CFAP299: variants seen among roughly 807,000 people sequenced by gnomAD.
CFAP299 encodes the protein cilia- and flagella-associated protein 299.
Under a neutral mutation model 27.0 loss-of-function variants are expected in CFAP299, and 21 were observed. That is an observed-to-expected ratio of 0.78 (90% CI 0.55 to 1.12). The LOEUF (loss-of-function observed/expected upper bound fraction) is 1.12, where lower values mean the gene tolerates loss of function less well. Among genes scored for constraint, CFAP299 ranks in the 50% most tolerant of loss-of-function variants. CFAP299 has a pLI of 0.00. For missense variants in CFAP299, 310 were observed against 276.6 expected (o/e 1.12, Z -0.86); for synonymous variants, 104 against 98.1 (o/e 1.06, Z -0.36).
At chr4:80,386,818 C>G (rs928716115) in intron 2 of CFAP299, 4 of 968,162 alleles carry the variant, frequency 4.1e-6, no homozygotes, top group Non-Finnish European at 6.7e-6. Flanking sequence ...ATTTATATTT[C>G]TTGAAGGGCT....
intron 3 of CFAP299, among the ~76,000 whole-genome samples, chr4:80,804,854 T>C (rs1373852378): frequency 6.6e-6 from 1 of 152,154 alleles, no homozygotes; most frequent in Non-Finnish European, 1.5e-5. Context: ...CTGGAGAGTT[T>C]AATCAATTTA....
At chr4:80,540,878 T>C (rs1362716401) in intron 2 of CFAP299, among the ~76,000 whole-genome samples, 1 of 152,180 alleles carries the variant, frequency 6.6e-6, no homozygotes, top group Non-Finnish European at 1.5e-5. Context: ...GCAGGAACTA[T>C]CTAACAAACC....
chr4:80,882,637 C>CAA (rs36077837), intron 4 of CFAP299, among the ~76,000 whole-genome samples: 8,101 of 124,370 alleles, frequency 0.065, 306 homozygotes, highest in Middle Eastern at 0.18. Flanking sequence ...GACTCCGTCT[C>CAA]AAAAAAAAAA....
Position 80,525,544 on chromosome 4 carries a change from C to T in CFAP299, c.243-57549C>T, listed in dbSNP as rs1319005467. 2.0e-5 allele frequency among the ~76,000 whole-genome samples: 3 copies of T among 152,128 alleles called. No individual in the cohort carries two copies. The East Asian group carries it at 5.8e-4, about 29-fold the overall frequency. ...TTTGAAATGAAAAATATGTTCATTT[C>T]CCACTCTTGTTTAAACTTTTCTGAA... On this transcript the variant is annotated intron_variant, in intron 2 of 5. Transcript: ENST00000358105.
chr4:80,404,321 A>C (rs965498179), intron 2 of CFAP299, among the ~76,000 whole-genome samples: 1 of 152,144 alleles, frequency 6.6e-6, no homozygotes. Context: ...AACCATTTTT[A>C]GTGCAGAGTT....
At chr4:80,556,637 T>G (rs1734798763) in intron 2 of CFAP299, among the ~76,000 whole-genome samples, 1 of 151,888 alleles carries the variant, frequency 6.6e-6, no homozygotes. Context: ...ATCCAAAAAG[T>G]TTAGTTTGAG....
intron 3 of CFAP299, among the ~76,000 whole-genome samples, chr4:80,848,837 T>A (rs766207344): frequency 3.3e-5 from 5 of 152,090 alleles, no homozygotes; most frequent in Non-Finnish European, 5.9e-5. Flanking sequence ...TACACCTGTA[T>A]AAGGCACTTA....
At chr4:80,856,473 T>C (rs1338799792) in intron 3 of CFAP299, among the ~76,000 whole-genome samples, 1 of 152,116 alleles carries the variant, frequency 6.6e-6, no homozygotes, top group East Asian at 1.9e-4. Flanking sequence ...CATGAAGTCC[T>C]TGCCCATGCC....
chr4:80,451,869 C>G (rs1008538434), intron 2 of CFAP299, among the ~76,000 whole-genome samples: 2 of 152,126 alleles, frequency 1.3e-5, no homozygotes, highest in Non-Finnish European at 2.9e-5. Flanking sequence ...AAATCTAAAG[C>G]CTGAGTCTGG....
At chr4:80,861,066 A>T (rs1732312007) in intron 3 of CFAP299, among the ~76,000 whole-genome samples, 1 of 152,186 alleles carries the variant, frequency 6.6e-6, no homozygotes, top group Non-Finnish European at 1.5e-5. Context: ...GGCTCCAACC[A>T]GTTGGAGCTT....
chr4:80,354,577 A>G (rs140856804), intron 1 of CFAP299, among the ~76,000 whole-genome samples: 227 of 152,210 alleles, frequency 1.5e-3, no homozygotes, highest in African/African-American at 5.1e-3. Context: ...CTATATAGCT[A>G]AAAGTGTCAT....
intron 3 of CFAP299, among the ~76,000 whole-genome samples, chr4:80,743,636 A>G (rs898567383): frequency 6.6e-6 from 1 of 152,182 alleles, no homozygotes; most frequent in African/African-American, 2.4e-5. Flanking sequence ...TAGAATTGAA[A>G]TCTATAAAAT....
intron 5 of CFAP299, among the ~76,000 whole-genome samples, chr4:80,960,464 A>G (rs752473736): frequency 1.3e-5 from 2 of 151,960 alleles, no homozygotes; most frequent in African/African-American, 2.4e-5. Flanking sequence ...ATTAACAGTT[A>G]TCAACTACAT....
intron 3 of CFAP299, among the ~76,000 whole-genome samples, chr4:80,630,834 T>C (rs1739170282): frequency 6.6e-6 from 1 of 152,058 alleles, no homozygotes; most frequent in Non-Finnish European, 1.5e-5. Context: ...GTAAATTATT[T>C]TTTTCTTACA....
intron 5 of CFAP299, among the ~76,000 whole-genome samples, chr4:80,953,847 CA>C (rs1375269597): frequency 1.3e-5 from 2 of 151,932 alleles, no homozygotes; most frequent in Non-Finnish European, 1.5e-5. Context: ...TGAACATATG[CA>C]ATGAAAAGAA....
At chr4:80,867,207 T>C (rs58292239) in intron 3 of CFAP299, among the ~76,000 whole-genome samples, 1,644 of 152,252 alleles carry the variant, frequency 0.011, 26 homozygotes, top group African/African-American at 0.037. Context: ...TGTATCATTA[T>C]GTAGTGAAGC....
intron 5 of CFAP299, among the ~76,000 whole-genome samples, chr4:80,946,464 C>T (rs1737483339): frequency 6.6e-6 from 1 of 152,144 alleles, no homozygotes. Flanking sequence ...CTGCACAAAC[C>T]ATCACTTATG....
chr4:80,948,157 AG>A (rs1443032610), intron 5 of CFAP299, among the ~76,000 whole-genome samples: 1 of 152,186 alleles, frequency 6.6e-6, no homozygotes, highest in Non-Finnish European at 1.5e-5. Flanking sequence ...AGTGATAAAC[AG>A]GATGTGTTTA....
chr4:80,388,660 A>G (rs1725161571), intron 2 of CFAP299: 9 of 1,182,862 alleles, frequency 7.6e-6, no homozygotes, highest in Non-Finnish European at 1.0e-5. Flanking sequence ...ATGATGGGAC[A>G]GCTAGAATGG....
Sources: gnomAD v4.1 joint callset for allele counts (sites outside exome capture counted in the v4.1 genomes callset) on GRCh38, gnomAD v4.1.1 for gene constraint, MANE v1.5 for transcripts, NCBI Gene and HGNC (gene_info 2026-07-23, HGNC 2026-07-21) for gene names.